Variants in TENM4 observed in about 807,000 individuals in gnomAD.
The protein encoded by TENM4 is teneurin-4.
In TENM4, 82 loss-of-function variants were observed where a neutral mutation model predicts 243.3. The ratio of observed to expected loss-of-function variants is 0.34; its 90% CI spans 0.28 to 0.40. The LOEUF is 0.40. Among genes scored for constraint, TENM4 ranks in the 10% least tolerant of loss-of-function variants. The probability of loss-of-function intolerance (pLI) is 1.00; values close to 1 mark genes in which losing one functional copy is unlikely to be tolerated. For missense variants in TENM4, 3,138 were observed against 3,673.3 expected (o/e 0.85, Z 3.77); for synonymous variants, 1,412 against 1,456.3 (o/e 0.97, Z 0.69).
At chr11:79,286,523 G>C (rs1225882623) in intron 2 of TENM4, among the ~76,000 whole-genome samples, 3 of 147,786 alleles carry the variant, frequency 2.0e-5, no homozygotes, top group Non-Finnish European at 4.5e-5. Context: ...AAAAAAATTA[G>C]CTGGGTGTGG....
chr11:78,980,287 C>T (rs1857761977), intron 6 of TENM4, among the ~76,000 whole-genome samples: 1 of 152,200 alleles, frequency 6.6e-6, no homozygotes, highest in African/African-American at 2.4e-5. Context: ...TTAATTGTCA[C>T]AGCAATCTTA....
chr11:78,824,843 T>C (rs563869773), intron 12 of TENM4, among the ~76,000 whole-genome samples: 1 of 152,344 alleles, frequency 6.6e-6, no homozygotes, highest in South Asian at 2.1e-4. Flanking sequence ...ACATCTAAAC[T>C]ATATCACATG....
chr11:78,907,528 G>A lies in TENM4; in HGVS notation c.494-4005C>T, dbSNP rs1161302182. On this transcript the variant is annotated intron_variant, in intron 6 of 33. Transcript: ENST00000278550. ...GACCTGCAACAACTCACTTCTCTTCGGTCCTTGGTCAGTGTGTGTGTGAAA... is the reference window on the plus strand; with the variant it reads ...GACCTGCAACAACTCACTTCTCTTCAGTCCTTGGTCAGTGTGTGTGTGAAA... 6.6e-5 allele frequency among the ~76,000 whole-genome samples: 10 copies of A among 152,096 alleles called. No homozygotes were observed. In the East Asian group the frequency reaches 9.7e-4, roughly 15 times the overall value.
At chr11:78,952,807 A>G (rs1182698981) in intron 6 of TENM4, among the ~76,000 whole-genome samples, 1 of 152,148 alleles carries the variant, frequency 6.6e-6, no homozygotes, top group African/African-American at 2.4e-5. Context: ...CCAGGTTGCT[A>G]TTCTTATTCC....
At chr11:79,188,204 T>C (rs1863412142) in intron 3 of TENM4, among the ~76,000 whole-genome samples, 2 of 152,210 alleles carry the variant, frequency 1.3e-5, no homozygotes. Flanking sequence ...AGATAAACTA[T>C]GACTCTCACT....
At chr11:78,823,124 T>A (rs181090620) in intron 12 of TENM4, among the ~76,000 whole-genome samples, 20 of 152,252 alleles carry the variant, frequency 1.3e-4, no homozygotes, top group African/African-American at 4.8e-4. Context: ...ACACACCAAG[T>A]ACTGGGGAGA....
Position 78,658,595 on chromosome 11 carries a change from C to T in TENM4, c.7773G>A (p.Gly2591=). 4 of 1,613,994 alleles carry T rather than the reference C, an allele frequency of 2.5e-6. No homozygotes were observed. Among genetic ancestry groups the T allele is most frequent in the South Asian group, 2.2e-5 (2 of 91,074 alleles). ...GGTTCAAGATGGCAGCAACCCTTCG[C>T]CCATCCTCATTGGCCACACTGATGA... ...TDIISVANED[G]RRVAAILNHA... The change falls in exon 34 of 34, where the codon GGG becomes GGA. Residue 2591 remains glycine (G), a synonymous_variant. Transcript: ENST00000278550.
rs568249658 is a variant in TENM4, at chr11:79,054,309, C to A, written c.493+10429G>T. Reference sequence around the variant, plus strand: ...TTGATTAAGCCTCTGATCCCGGAGTCAATCTTCTTTCAGCTGAATCATGAG... The same window carrying A: ...TTGATTAAGCCTCTGATCCCGGAGTAAATCTTCTTTCAGCTGAATCATGAG... On this transcript the variant is annotated intron_variant, in intron 6 of 33. Coordinates refer to ENST00000278550, the MANE Select transcript of TENM4 (RefSeq NM_001098816.3). Among the ~76,000 whole-genome samples the A allele has an allele frequency of 1.3e-4, 20 of 152,290 alleles. No individual in the cohort carries two copies. The South Asian group carries it at 4.1e-3, about 32-fold the overall frequency.
At chr11:79,005,669 C>T (rs1858462549) in intron 6 of TENM4, among the ~76,000 whole-genome samples, 1 of 152,050 alleles carries the variant, frequency 6.6e-6, no homozygotes. Flanking sequence ...GAAGCATTTC[C>T]CCTGAGAGCA....
At chr11:78,719,871 C>G (rs79089346) in intron 25 of TENM4, among the ~76,000 whole-genome samples, 4 of 152,160 alleles carry the variant, frequency 2.6e-5, no homozygotes, top group Non-Finnish European at 4.4e-5. Flanking sequence ...GTTCCTGGAG[C>G]CTGCTTTCTC....
At chr11:79,171,682 T>C (rs1863044210) in intron 3 of TENM4, among the ~76,000 whole-genome samples, 1 of 152,180 alleles carries the variant, frequency 6.6e-6, no homozygotes, top group African/African-American at 2.4e-5. Context: ...GTTGAATAAA[T>C]GGATAAGAAT....
chr11:79,095,431 A>G (rs1459280486), intron 4 of TENM4, among the ~76,000 whole-genome samples: 2 of 152,260 alleles, frequency 1.3e-5, no homozygotes, highest in Non-Finnish European at 2.9e-5. Context: ...TATCATTAAT[A>G]GCAAGTATAT....
intron 14 of TENM4, among the ~76,000 whole-genome samples, 151 bp from the exon 15 acceptor site, chr11:78,805,643 C>T (rs538718128): frequency 1.8e-4 from 28 of 152,288 alleles, no homozygotes; most frequent in Admixed American, 9.8e-4. Flanking sequence ...AGCAGTACTG[C>T]GGCAAATGGC....
intron 6 of TENM4, among the ~76,000 whole-genome samples, chr11:79,046,318 CA>C (rs1439113056): frequency 2.0e-5 from 3 of 152,144 alleles, no homozygotes; most frequent in Non-Finnish European, 4.4e-5. Flanking sequence ...TCTTCTGTTA[CA>C]GTTCATGGAG....
At chr11:79,321,935 A>C (rs1358728330) in intron 1 of TENM4, among the ~76,000 whole-genome samples, 1 of 152,192 alleles carries the variant, frequency 6.6e-6, no homozygotes, top group African/African-American at 2.4e-5. Flanking sequence ...GCAACAGGGC[A>C]GATGAGGATG....
chr11:78,759,703 T>A (rs925046732), intron 18 of TENM4, among the ~76,000 whole-genome samples: 51 of 152,318 alleles, frequency 3.3e-4, no homozygotes, highest in African/African-American at 1.0e-3. Context: ...ATTGCCACAT[T>A]TATTGAGTGC....
In TENM4 at chr11:78,869,824, A is replaced by T. The variant is rs574760813; in HGVS notation, c.1085-6692T>A. ...AAACTACATTACAATTTAAAAAAAA[A>T]TTTTAAGACAAAGATTTCGCTGACA... On this transcript the variant is annotated intron_variant, in intron 9 of 33. Coordinates refer to ENST00000278550, the MANE Select transcript of TENM4 (RefSeq NM_001098816.3). 6.6e-5 allele frequency among the ~76,000 whole-genome samples: 10 copies of T among 152,318 alleles called. No individual in the cohort carries two copies. In the South Asian group the frequency reaches 8.3e-4, roughly 13 times the overall value.
chr11:79,283,660 G>A (rs371887826), intron 2 of TENM4, among the ~76,000 whole-genome samples: 29 of 152,254 alleles, frequency 1.9e-4, no homozygotes, highest in South Asian at 8.3e-4. Context: ...ACAAGGCAAG[G>A]TGACTGCTCT....
intron 1 of TENM4, among the ~76,000 whole-genome samples, chr11:79,310,793 G>T (rs1340624876): frequency 6.6e-6 from 1 of 152,140 alleles, no homozygotes; most frequent in Non-Finnish European, 1.5e-5. Context: ...TCTGGGGCTT[G>T]GGAAGAGGGG....
Sources: allele counts gnomAD v4.1 joint callset (sites outside exome capture counted in the v4.1 genomes callset), GRCh38; gene constraint gnomAD v4.1.1; transcripts MANE v1.5; gene names NCBI Gene and HGNC (gene_info 2026-07-23, HGNC 2026-07-21).